The following LRRC49 variants were observed in gnomAD, a reference collection of about 807,000 sequenced individuals.
The protein encoded by LRRC49 is leucine rich repeat containing 49.
LRRC49 carries 50 observed loss-of-function variants against 83.3 expected under a neutral mutation model. The observed-to-expected ratio is 0.60, with a 90% CI of 0.48 to 0.76. The LOEUF (loss-of-function observed/expected upper bound fraction) is 0.76, where lower values mean the gene tolerates loss of function less well. LRRC49 is among the 30% of genes least tolerant of loss of function. LRRC49 has a pLI of 0.00. For synonymous variants in LRRC49, 286 were observed against 283.3 expected, an observed-to-expected ratio of 1.01 and a Z score of -0.10; for missense variants, 704 against 809.1, an observed-to-expected ratio of 0.87 and a Z score of 1.58.
chr15:70,889,338 ATGATT>A (rs1332983154), upstream of LRRC49, among the ~76,000 whole-genome samples: 3 of 151,992 alleles, frequency 2.0e-5, no homozygotes, highest in Non-Finnish European at 4.4e-5. Flanking sequence ...TGGCTACAGT[ATGATT>A]TGATTTATAT....
chr15:70,969,296 T>A (rs773298574), intron 9 of LRRC49, among the ~76,000 whole-genome samples: 4 of 152,216 alleles, frequency 2.6e-5, no homozygotes, highest in Non-Finnish European at 5.9e-5. Flanking sequence ...TGGTTGTAGA[T>A]GTGTGGCATT....
chr15:71,024,975 A>G (rs1278056199), intron 14 of LRRC49, among the ~76,000 whole-genome samples: 1 of 152,210 alleles, frequency 6.6e-6, no homozygotes, highest in Non-Finnish European at 1.5e-5. Context: ...TTGCTGAAAT[A>G]AGAAGGCAGA....
At chr15:70,884,224 G>C (rs527485798) in intron 2 of LRRC49, among the ~76,000 whole-genome samples, 3 of 152,116 alleles carry the variant, frequency 2.0e-5, no homozygotes, top group Non-Finnish European at 2.9e-5. Context: ...CTGTATCATA[G>C]GCTATTGATA....
chr15:70,986,287 G>C (rs2037614517), intron 11 of LRRC49, among the ~76,000 whole-genome samples: 1 of 152,062 alleles, frequency 6.6e-6, no homozygotes, highest in Non-Finnish European at 1.5e-5. Flanking sequence ...TCTTCTATTT[G>C]TTTGTATCCT....
chr15:71,037,029 C>T, intron 14 of LRRC49, 150 bp from the exon 15 acceptor site: 1 of 474,128 alleles, frequency 2.1e-6, no homozygotes, highest in Non-Finnish European at 3.7e-6. Flanking sequence ...GTTTGGGGTA[C>T]CAGACTGAAC....
intron 9 of LRRC49, among the ~76,000 whole-genome samples, chr15:70,968,539 A>G (rs1244520428): frequency 1.3e-5 from 2 of 152,144 alleles, no homozygotes; most frequent in African/African-American, 4.8e-5. Flanking sequence ...CTAGTTCTAG[A>G]TCCTTGAGGA....
intron 8 of LRRC49, among the ~76,000 whole-genome samples, chr15:70,939,847 GTTTTT>G (rs1327080543): frequency 8.7e-6 from 1 of 115,252 alleles, no homozygotes; most frequent in Non-Finnish European, 1.8e-5. Flanking sequence ...TTTAAACTAG[GTTTTT>G]TTTTTTTTTT....
At chr15:70,945,519 C>CTGTGTGTGTGTGTGTGTGTG (rs749607668) in intron 8 of LRRC49, among the ~76,000 whole-genome samples, 2 of 135,796 alleles carry the variant, frequency 1.5e-5, no homozygotes, top group Non-Finnish European at 3.2e-5. Flanking sequence ...ATTTAACAAC[C>CTGTGTGTGTGTGTGTGTGTG]TGTGTGTGTG....
At chr15:71,023,554 GGAGA>G (rs1019045259) in intron 14 of LRRC49, among the ~76,000 whole-genome samples, 23 of 152,296 alleles carry the variant, frequency 1.5e-4, no homozygotes, top group African/African-American at 5.3e-4. Context: ...CACAACCCAT[GGAGA>G]GAGAGGAAAA....
At chr15:71,031,795 A>G (rs776630305) in intron 14 of LRRC49, among the ~76,000 whole-genome samples, 3 of 152,028 alleles carry the variant, frequency 2.0e-5, no homozygotes, top group Non-Finnish European at 4.4e-5. Context: ...TAGCACTGTC[A>G]GGGGAAAACT....
chr15:70,910,276 A>G (rs1443378777), intron 5 of LRRC49, among the ~76,000 whole-genome samples: 1 of 152,244 alleles, frequency 6.6e-6, no homozygotes, highest in East Asian at 1.9e-4. Context: ...TGGCAATGAT[A>G]TAACTGAGAT....
intron 14 of LRRC49, among the ~76,000 whole-genome samples, chr15:71,034,054 G>T (rs2039442864): frequency 6.6e-6 from 1 of 152,092 alleles, no homozygotes; most frequent in South Asian, 2.1e-4. Context: ...ACAAACTAAA[G>T]AGCTTCTGCA....
chr15:70,933,933 C>G (rs2035506456), intron 7 of LRRC49, among the ~76,000 whole-genome samples: 1 of 152,150 alleles, frequency 6.6e-6, no homozygotes, highest in African/African-American at 2.4e-5. Flanking sequence ...TGTCCAAACT[C>G]TCCAACAAAA....
At chr15:70,887,627 A>G (rs2033445682), upstream of LRRC49, among the ~76,000 whole-genome samples, 2 of 152,202 alleles carry the variant, frequency 1.3e-5, no homozygotes, top group Admixed American at 1.3e-4. Flanking sequence ...ATAAAAAACT[A>G]TAGTAAAAAT....
rs540252814 is a variant in LRRC49 at position 71,008,609 on chromosome 15, A to C, written c.1400A>C (p.Asn467Thr). The part of the protein sequence containing the change: ...VLPKLKIKFP[N>T]SLHLKFKETN... ...CCTAAACTGAAGATTAAGTTTCCTA[A>C]TTCTCTGGTAAATATTTCCTTTTAG... The change falls in exon 12 of 16, where the codon AAT (asparagine) becomes ACT (threonine). Residue 467 changes from asparagine (N) to threonine (T), a missense_variant. By Grantham distance (65) the Asn-to-Thr change is moderately conservative. Around this residue, in one of 3 missense-constraint regions of LRRC49, gnomAD observed 275 missense variants for 338.0 expected, o/e 0.81. Transcript: ENST00000260382. 3.1e-6 allele frequency: 5 copies of C among 1,605,216 alleles called. No individual in the cohort carries two copies. In the East Asian group the frequency reaches 1.1e-4, roughly 36 times the overall value.
intron 15 of LRRC49, among the ~76,000 whole-genome samples, chr15:71,039,160 A>G (rs1484939393): frequency 1.3e-5 from 2 of 152,202 alleles, no homozygotes; most frequent in East Asian, 3.8e-4. Context: ...GCATAGAAGT[A>G]TAAAACATGT....
intron 13 of LRRC49, among the ~76,000 whole-genome samples, chr15:71,011,707 T>C (rs2038657195): frequency 6.6e-6 from 1 of 152,076 alleles, no homozygotes; most frequent in African/African-American, 2.4e-5. Flanking sequence ...GGTGACTATA[T>C]TGGACCAAAC....
intron 14 of LRRC49, among the ~76,000 whole-genome samples, chr15:71,030,260 C>G (rs2039308452): frequency 6.6e-6 from 1 of 152,112 alleles, no homozygotes; most frequent in South Asian, 2.1e-4. Context: ...AATTTTATTT[C>G]TCCTTCACTT....
intron 1 of LRRC49, among the ~76,000 whole-genome samples, chr15:70,866,148 A>C (rs965202305): frequency 6.8e-6 from 1 of 147,890 alleles, no homozygotes; most frequent in Non-Finnish European, 1.5e-5. Context: ...TTATTTATTT[A>C]TTTATTTATT....
Sources: gnomAD v4.1 joint callset for allele counts (sites outside exome capture counted in the v4.1 genomes callset) on GRCh38, gnomAD v4.1.1 for gene constraint, gnomAD v4.1.1 regional missense constraint, MANE v1.5 for transcripts, NCBI Gene and HGNC (gene_info 2026-07-23, HGNC 2026-07-21) for gene names.